The following DPYD variants were observed in gnomAD, a reference collection of about 807,000 sequenced individuals.
The protein encoded by DPYD is dihydropyrimidine dehydrogenase.
In DPYD, 109 loss-of-function variants were observed where a neutral mutation model predicts 116.2. The observed-to-expected ratio is 0.94, with a 90% CI of 0.80 to 1.10. The LOEUF is 1.10. Among genes scored for constraint, DPYD ranks in the 50% least tolerant of loss-of-function variants. DPYD has a pLI of 0.00. For synonymous variants in DPYD, 440 were observed against 432.0 expected, an observed-to-expected ratio of 1.02 and a Z score of -0.23; for missense variants, 1,302 against 1,254.5, an observed-to-expected ratio of 1.04 and a Z score of -0.57.
At chr1:97,613,508 C>T (rs1265861874) in intron 8 of DPYD, among the ~76,000 whole-genome samples, 3 of 151,918 alleles carry the variant, frequency 2.0e-5, no homozygotes, top group Admixed American at 6.6e-5. Flanking sequence ...TCCTTAAATG[C>T]GACATCTAGA....
chr1:97,813,999 A>G (rs538978746), intron 3 of DPYD, among the ~76,000 whole-genome samples: 1 of 151,870 alleles, frequency 6.6e-6, no homozygotes, highest in East Asian at 1.9e-4. Context: ...AAGAGGAATG[A>G]GTCTGGGTTC....
intron 14 of DPYD, among the ~76,000 whole-genome samples, chr1:97,444,380 T>C (rs1418774518): frequency 6.6e-6 from 1 of 152,156 alleles, no homozygotes; most frequent in Non-Finnish European, 1.5e-5. Context: ...GTCAGTTTCA[T>C]CATATGTTAA....
intron 13 of DPYD, among the ~76,000 whole-genome samples, chr1:97,464,469 G>T (rs1316964466): frequency 2.0e-5 from 3 of 152,066 alleles, no homozygotes; most frequent in Non-Finnish European, 4.4e-5. Flanking sequence ...CCTATCACAG[G>T]CTCAGAGGTT....
chr1:97,247,486 G>A (rs1444475313), intron 18 of DPYD, among the ~76,000 whole-genome samples: 1 of 152,128 alleles, frequency 6.6e-6, no homozygotes, highest in Non-Finnish European at 1.5e-5. Context: ...ATGTTTCAGG[G>A]CTTTGGACTA....
At chr1:97,869,261 G>A (rs1671544678) in intron 2 of DPYD, among the ~76,000 whole-genome samples, 1 of 151,710 alleles carries the variant, frequency 6.6e-6, no homozygotes, top group South Asian at 2.1e-4. Flanking sequence ...AAAGCTTCAA[G>A]GGTCTATGCC....
At chr1:97,774,923 G>T in intron 3 of DPYD, 1 of 299,308 alleles carries the variant, frequency 3.3e-6, no homozygotes, top group South Asian at 3.5e-5. Flanking sequence ...CATCATCAAT[G>T]ATTTGCTAGA....
In DPYD at chr1:97,404,085, A is replaced by G. The variant is rs58155805; in HGVS notation, c.1906-21624T>C. Among the ~76,000 whole-genome samples the G allele has an allele frequency of 3.9e-5, 6 of 151,964 alleles. No individual in the cohort carries two copies. The East Asian group carries it at 1.2e-3, about 29-fold the overall frequency. On this transcript the variant is annotated intron_variant, in intron 14 of 22. Transcript: ENST00000370192. ...TAGAGGTGTGTTGTTTAATCTCTGTATATTTTGGGATTTTCCAGATATATT... is the reference window on the plus strand; with the variant it reads ...TAGAGGTGTGTTGTTTAATCTCTGTGTATTTTGGGATTTTCCAGATATATT...
At chr1:97,357,404 C>T (rs1437394070) in intron 16 of DPYD, among the ~76,000 whole-genome samples, 1 of 150,962 alleles carries the variant, frequency 6.6e-6, no homozygotes, top group Non-Finnish European at 1.5e-5. Context: ...GTATTTTCTA[C>T]ATATAAGATC....
At chr1:97,771,094 G>T (rs566553873) in intron 3 of DPYD, among the ~76,000 whole-genome samples, 2 of 152,148 alleles carry the variant, frequency 1.3e-5, no homozygotes, top group East Asian at 3.9e-4. Context: ...GAGGCGGGTG[G>T]ATCACCTGAG....
chr1:97,815,613 G>A (rs1372281752), intron 3 of DPYD, among the ~76,000 whole-genome samples: 2 of 152,170 alleles, frequency 1.3e-5, no homozygotes, highest in Non-Finnish European at 2.9e-5. Context: ...ATGTCCAGGT[G>A]GAGTGGATTA....
intron 20 of DPYD, among the ~76,000 whole-genome samples, chr1:97,140,533 G>T (rs1487287903): frequency 1.3e-5 from 2 of 152,132 alleles, no homozygotes; most frequent in African/African-American, 4.8e-5. Context: ...TCACAACCAT[G>T]CCATAAGAGC....
intron 5 of DPYD, among the ~76,000 whole-genome samples, chr1:97,708,887 A>C: frequency 6.6e-6 from 1 of 151,836 alleles, no homozygotes; most frequent in East Asian, 1.9e-4. Flanking sequence ...TTTCGTTTTT[A>C]AGGATGCAAA....
intron 10 of DPYD, among the ~76,000 whole-genome samples, chr1:97,577,854 T>C (rs1048860339): frequency 2.6e-5 from 4 of 152,078 alleles, no homozygotes; most frequent in African/African-American, 9.7e-5. Flanking sequence ...AATTAATTAA[T>C]TTGAGACGGA....
intron 21 of DPYD, among the ~76,000 whole-genome samples, chr1:97,083,079 A>C (rs1649276411): frequency 6.6e-6 from 1 of 152,138 alleles, no homozygotes; most frequent in Admixed American, 6.5e-5. Context: ...TTTTACTTTA[A>C]AGAACTAGAA....
chr1:97,259,723 C>G (rs1254269370), intron 18 of DPYD, among the ~76,000 whole-genome samples: 1 of 152,088 alleles, frequency 6.6e-6, no homozygotes, highest in East Asian at 1.9e-4. Context: ...AATAATAAAA[C>G]AATTATAGTA....
intron 2 of DPYD, among the ~76,000 whole-genome samples, chr1:97,851,204 T>C (rs1340660006): frequency 6.6e-6 from 1 of 151,260 alleles, no homozygotes; most frequent in East Asian, 1.9e-4. Flanking sequence ...GATAAGTTTC[T>C]AACAATTTAT....
chr1:97,657,184 G>A (rs898332452), intron 8 of DPYD, among the ~76,000 whole-genome samples: 6 of 151,794 alleles, frequency 4.0e-5, no homozygotes, highest in Admixed American at 1.3e-4. Flanking sequence ...GGCCAGGCTC[G>A]CCTTGAACTC....
At chr1:97,366,905 T>G (rs953231260) in intron 16 of DPYD, among the ~76,000 whole-genome samples, 5 of 152,100 alleles carry the variant, frequency 3.3e-5, no homozygotes, top group Admixed American at 6.6e-5. Flanking sequence ...ATTCCCAAAC[T>G]CCTGAGTTTC....
At chr1:97,603,103 TAAA>T (rs1655367431) in intron 8 of DPYD, among the ~76,000 whole-genome samples, 2 of 152,036 alleles carry the variant, frequency 1.3e-5, no homozygotes, top group Admixed American at 1.3e-4. Context: ...ACAATTTCCT[TAAA>T]TTTTAATCCC....
Sources: gnomAD v4.1 joint callset for allele counts (sites outside exome capture counted in the v4.1 genomes callset) on GRCh38, gnomAD v4.1.1 for gene constraint, MANE v1.5 for transcripts, NCBI Gene and HGNC (gene_info 2026-07-23, HGNC 2026-07-21) for gene names.